Variants in SLC1A7 observed in about 807,000 individuals in gnomAD.
The protein encoded by SLC1A7 is excitatory amino acid transporter 5.
A neutral mutation model predicts 47.7 loss-of-function variants in SLC1A7; 40 were observed. The ratio of observed to expected loss-of-function variants is 0.84; its 90% confidence interval spans 0.65 to 1.09. The LOEUF (loss-of-function observed/expected upper bound fraction) is 1.09. Among genes scored for constraint, SLC1A7 ranks in the 50% least tolerant of loss-of-function variants. SLC1A7 has a pLI of 0.00. For missense variants in SLC1A7, 746 were observed against 769.5 expected, an observed-to-expected ratio of 0.97 and a Z score of 0.36; for synonymous variants, 323 against 325.6, an observed-to-expected ratio of 0.99 and a Z score of 0.09.
chr1:53,135,884 T>C (rs1422831258), intron 1 of SLC1A7, among the ~76,000 whole-genome samples: 1 of 91,808 alleles, frequency 1.1e-5, no homozygotes, highest in Non-Finnish European at 2.2e-5. Context: ...CTTGCAACTA[T>C]TTTTTTTTAA....
chr1:53,120,857 A>G (rs769713066), intron 2 of SLC1A7, among the ~76,000 whole-genome samples: 60 of 152,090 alleles, frequency 3.9e-4, no homozygotes, highest in Non-Finnish European at 6.0e-4. Flanking sequence ...TGAAGTCTCC[A>G]CTCAGGCACC....
intron 5 of SLC1A7, among the ~76,000 whole-genome samples, chr1:53,097,136 C>T (rs1443235411): frequency 1.3e-5 from 2 of 150,176 alleles, no homozygotes; most frequent in Admixed American, 1.3e-4. Flanking sequence ...CACCTACACG[C>T]CCCGCCTTGG....
Position 53,089,888 on chromosome 1 carries a change from C to A in SLC1A7, c.1273G>T (p.Ala425Ser), listed in dbSNP as rs767187667. 8.7e-6 allele frequency: 14 copies of A among 1,613,694 alleles called. No homozygotes were observed. Among genetic ancestry groups the A allele is most frequent in the Non-Finnish European group, 1.1e-5 (13 of 1,179,998 alleles). The change falls in exon 9 of 11, where the codon GCC (alanine) becomes TCC (serine). Residue 425 changes from alanine to serine, a missense_variant. By Grantham distance (99) the Ala-to-Ser change is moderately conservative. Coordinates refer to ENST00000371494, the MANE Select transcript of SLC1A7 (RefSeq NM_006671.6). Reference protein sequence around the residue: ...ASIGAAGIPQAGLVTMVIVLT... With the variant: ...ASIGAAGIPQSGLVTMVIVLT... The stretch of plus-strand genomic sequence containing the variant: ...ACGATGACCATGGTGACGAGGCCGG[C>A]CTGGGGGATGCCAGCTGCCCCAATG...
At chr1:53,089,508 CAA>C (rs1644396050) in intron 9 of SLC1A7, among the ~76,000 whole-genome samples, 1 of 152,160 alleles carries the variant, frequency 6.6e-6, no homozygotes, top group South Asian at 2.1e-4. Flanking sequence ...TTCCTGGGCT[CAA>C]GGAATGCTCC....
In SLC1A7 at chr1:53,087,528, T is replaced by G; in HGVS notation, c.*481A>C. On this transcript the variant is annotated 3_prime_UTR_variant, in exon 11 of 11. Coordinates refer to ENST00000371494, the MANE Select transcript of SLC1A7 (RefSeq NM_006671.6). ...GGGCTTGGCCCTGGGCTGCTCCCCT[T>G]GGGGAGAACTGTGTGGCTGAGGCCA... 6.6e-6 allele frequency: 1 copy of G among 152,610 alleles called. No individual in the cohort carries two copies. The highest frequency in any genetic ancestry group is 1.5e-5 in the Non-Finnish European group (1 of 68,228). The allele number at this position is 152,610 out of a possible 1,614,324, so 9.5% of individuals were successfully genotyped here.
chr1:53,089,118 TC>T (rs1644392110), intron 9 of SLC1A7, 139 bp from the exon 10 acceptor site: 2 of 695,504 alleles, frequency 2.9e-6, no homozygotes, highest in African/African-American at 1.8e-5. Flanking sequence ...TCCTGGCTCC[TC>T]CCAAGCCCAC....
chr1:53,108,213 C>T (rs1481761133), intron 3 of SLC1A7: 1 of 227,142 alleles, frequency 4.4e-6, no homozygotes, highest in Non-Finnish European at 8.7e-6. Context: ...CACACTCACA[C>T]TGCCTCCACC....
intron 2 of SLC1A7, among the ~76,000 whole-genome samples, chr1:53,124,849 C>A (rs1644863965): frequency 6.6e-6 from 1 of 152,206 alleles, no homozygotes; most frequent in Non-Finnish European, 1.5e-5. Flanking sequence ...AAACTCTGTG[C>A]CTCCCGAGTG....
chr1:53,114,684 C>T (rs1220758987), intron 3 of SLC1A7, 74 bp downstream of exon 3: 8 of 1,327,460 alleles, frequency 6.0e-6, no homozygotes, highest in Non-Finnish European at 8.6e-6. Context: ...ACACCCCGTC[C>T]TGGCCTCTGG....
chr1:53,121,475 A>T (rs1644825186), intron 2 of SLC1A7, among the ~76,000 whole-genome samples: 1 of 152,234 alleles, frequency 6.6e-6, no homozygotes, highest in Non-Finnish European at 1.5e-5. Flanking sequence ...CCTGGGCAGT[A>T]GAGAGGGTGT....
At chr1:53,135,444 G>T (rs1259118766) in intron 1 of SLC1A7, among the ~76,000 whole-genome samples, 1 of 152,210 alleles carries the variant, frequency 6.6e-6, no homozygotes, top group Non-Finnish European at 1.5e-5. Flanking sequence ...GGATCAGATT[G>T]AATGGGTGCA....
chr1:53,109,717 C>G (rs1644682480), intron 3 of SLC1A7, among the ~76,000 whole-genome samples: 2 of 152,272 alleles, frequency 1.3e-5, no homozygotes, highest in South Asian at 4.2e-4. Context: ...GGCCCCTGGT[C>G]CCTCACTGCC....
chr1:53,103,418 C>A lies in SLC1A7; in HGVS notation c.625G>T (p.Val209Phe), dbSNP rs144184387. 1.2e-6 allele frequency: 2 copies of A among 1,611,460 alleles called. No individual in the cohort carries two copies. ...ALDLTPPPEV[V>F]YKSEPGTSDG... is the part of the protein sequence containing the mutation. Reference sequence around the variant, plus strand: ...CTGGTGCCCGGCTCTGACTTGTAAACGACCTCGGGCGGCGGGGTCAGGTCC... The same window carrying A: ...CTGGTGCCCGGCTCTGACTTGTAAAAGACCTCGGGCGGCGGGGTCAGGTCC... The change falls in exon 5 of 11, where the codon GTT becomes TTT. Residue 209 changes from valine (V) to phenylalanine (F), a missense_variant. Transcript: ENST00000371494.
Position 53,092,591 on chromosome 1 carries a change from G to A in SLC1A7, c.994C>T (p.Leu332=), listed in dbSNP as rs1644435342. The part of the protein sequence containing the change: ...KNPIVFIRGI[L]QALLIALATS... ...GCCAGCGCGATGAGCAGAGCCTGCA[G>A]GATGCCACGGATGAAGACGATGGGA... The change falls in exon 7 of 11, where the codon CTG becomes TTG. Residue 332 remains leucine (L), a synonymous_variant. Coordinates refer to ENST00000371494, the MANE Select transcript of SLC1A7 (RefSeq NM_006671.6). 1 of 1,614,190 alleles carries A rather than the reference G, an allele frequency of 6.2e-7. No individual in the cohort carries two copies. The highest frequency in any genetic ancestry group is 1.3e-5 in the African/African-American group (1 of 75,074).
At chr1:53,126,457 C>G (rs1402575250) in intron 2 of SLC1A7, among the ~76,000 whole-genome samples, 1 of 152,308 alleles carries the variant, frequency 6.6e-6, no homozygotes, top group African/African-American at 2.4e-5. Flanking sequence ...AAACCGCAAA[C>G]CTGGAGTTAC....
rs1572349974 is a variant in SLC1A7, at chr1:53,134,336, A to C, written c.215+14T>G. 6.2e-7 allele frequency: 1 copy of C among 1,606,726 alleles called. No homozygotes were observed. ...TCCTGGTTCCGGACCACCTGGTCAA[A>C]CCCCCGCTCTCACCTGGAGACCACC... On this transcript the variant is annotated intron_variant, in intron 2 of 10. Transcript: ENST00000371494.
At chr1:53,113,256 C>T (rs1644718845) in intron 3 of SLC1A7, among the ~76,000 whole-genome samples, 1 of 152,092 alleles carries the variant, frequency 6.6e-6, no homozygotes, top group Non-Finnish European at 1.5e-5. Flanking sequence ...GCTTCCCAGG[C>T]TCCATCCCAA....
intron 9 of SLC1A7, among the ~76,000 whole-genome samples, chr1:53,089,241 C>T (rs1334689861): frequency 6.9e-6 from 1 of 145,384 alleles, no homozygotes; most frequent in Non-Finnish European, 1.5e-5. Flanking sequence ...TCTTGAAATT[C>T]TTTATAGGTT....
chr1:53,099,573 CACAT>C (rs2150321621), intron 5 of SLC1A7, among the ~76,000 whole-genome samples: 2 of 151,586 alleles, frequency 1.3e-5, no homozygotes, highest in South Asian at 4.2e-4. Context: ...GGTACACTGA[CACAT>C]ACCACCTCAG....
Sources: allele counts gnomAD v4.1 joint callset (sites outside exome capture counted in the v4.1 genomes callset), GRCh38; gene constraint gnomAD v4.1.1; transcripts MANE v1.5; gene names NCBI Gene and HGNC (gene_info 2026-07-23, HGNC 2026-07-21).